The following NOS1AP variants were observed in gnomAD, a reference collection of about 807,000 sequenced individuals.
NOS1AP encodes the protein nitric oxide synthase 1 adaptor protein.
In NOS1AP, 21 loss-of-function variants were observed where a neutral mutation model predicts 56.2. The observed-to-expected ratio is 0.37, with a 90% CI of 0.26 to 0.54. NOS1AP has a LOEUF of 0.54. NOS1AP is among the 20% of genes least tolerant of loss of function. The probability of loss-of-function intolerance (pLI) is 0.84; values close to 1 mark genes in which losing one functional copy is unlikely to be tolerated. For missense variants in NOS1AP, 522 were observed against 657.8 expected (o/e 0.79, Z 2.26); for synonymous variants, 270 against 274.6 (o/e 0.98, Z 0.17).
intron 2 of NOS1AP, among the ~76,000 whole-genome samples, chr1:162,233,990 G>T (rs1412633242): frequency 1.3e-5 from 2 of 152,192 alleles, no homozygotes; most frequent in African/African-American, 4.8e-5. Flanking sequence ...AACACATCTT[G>T]TCTGCTATTG....
rs1411461054 is a variant in NOS1AP at position 162,251,881 on chromosome 1, T to TG, written c.178-35463_178-35462insG. ...TGTTTTTTTTTTTGTTTTTTTTTTT[T>TG]TTTTTTTTGTGGAGACAAGGTCCCA... On this transcript the variant is annotated intron_variant, in intron 2 of 9. Transcript: ENST00000361897. Among the ~76,000 whole-genome samples the TG allele has an allele frequency of 1.9e-4, 27 of 141,904 alleles. No homozygotes were observed. The East Asian group carries it at 2.6e-3, about 14-fold the overall frequency. 93.1% of individuals were successfully genotyped at this position (141,904 alleles called of 152,430 possible). A position where few individuals can be genotyped will look rare whatever the true frequency, so the allele number is the denominator to read the frequency against.
intron 6 of NOS1AP, among the ~76,000 whole-genome samples, chr1:162,350,640 T>C (rs1214954950): frequency 1.3e-5 from 2 of 152,264 alleles, no homozygotes; most frequent in Non-Finnish European, 2.9e-5. Context: ...TAGACCTTTT[T>C]TGAAAATAAA....
intron 2 of NOS1AP, among the ~76,000 whole-genome samples, chr1:162,239,712 A>G (rs1653421576): frequency 6.6e-6 from 1 of 152,172 alleles, no homozygotes; most frequent in Non-Finnish European, 1.5e-5. Flanking sequence ...GCTAAGACAG[A>G]TGGGCTAACA....
chr1:162,193,234 G>A (rs553401083), intron 2 of NOS1AP, among the ~76,000 whole-genome samples: 2 of 152,278 alleles, frequency 1.3e-5, no homozygotes, highest in South Asian at 4.1e-4. Flanking sequence ...AATAATAGGA[G>A]CTCTAGATCC....
At chr1:162,166,430 C>T (rs1347928666) in intron 2 of NOS1AP, among the ~76,000 whole-genome samples, 1 of 152,220 alleles carries the variant, frequency 6.6e-6, no homozygotes, top group African/African-American at 2.4e-5. Flanking sequence ...TATTCCTCCT[C>T]TTCCTTCTAC....
At chr1:162,321,753 A>G (rs928108822) in intron 4 of NOS1AP, among the ~76,000 whole-genome samples, 1 of 143,858 alleles carries the variant, frequency 7.0e-6, no homozygotes, top group Non-Finnish European at 1.5e-5. Context: ...TATATATATA[A>G]AAGCAACATG....
At chr1:162,159,677 C>T (rs1269808415) in intron 2 of NOS1AP, among the ~76,000 whole-genome samples, 2 of 152,116 alleles carry the variant, frequency 1.3e-5, no homozygotes, top group Non-Finnish European at 2.9e-5. Context: ...ACTGTATTCC[C>T]AACATTTGGC....
intron 2 of NOS1AP, among the ~76,000 whole-genome samples, chr1:162,215,671 A>T (rs538680521): frequency 2.6e-5 from 4 of 152,174 alleles, no homozygotes; most frequent in Non-Finnish European, 4.4e-5. Flanking sequence ...TTAGTGTGTC[A>T]TCCAGATGGT....
chr1:162,367,725 C>T lies in NOS1AP; in HGVS notation c.*258C>T, dbSNP rs1658147107. ...GGTGGAGGTAAGGCCTTCCAGAGCC[C>T]ATGGCTTCAGGAGAGGGTCTCTCTC... is the stretch of plus-strand genomic sequence containing the variant. On this transcript the variant is annotated 3_prime_UTR_variant, in exon 10 of 10. Coordinates refer to ENST00000361897, the MANE Select transcript of NOS1AP (RefSeq NM_014697.3). This position sits in a 1 kb window ranked among gnomAD's most constrained non-coding sequence, Gnocchi z 6.5. 1 of 506,626 alleles carries T rather than the reference C, an allele frequency of 2.0e-6. No individual in the cohort carries two copies. Among genetic ancestry groups the T allele is most frequent in the Non-Finnish European group, 3.5e-6 (1 of 281,828 alleles). 31.4% of individuals were successfully genotyped at this position (506,626 alleles called of 1,614,324 possible).
rs140808243 is a variant in NOS1AP at position 162,207,553 on chromosome 1, G to T, written c.177+53077G>T. Reference sequence around the variant, plus strand: ...AATACCAGGTACTTTACAGGGTTGTGGTCAAGGATTGAATGAGATAATGCA... The same window carrying T: ...AATACCAGGTACTTTACAGGGTTGTTGTCAAGGATTGAATGAGATAATGCA... On this transcript the variant is annotated intron_variant, in intron 2 of 9. Coordinates refer to ENST00000361897, the MANE Select transcript of NOS1AP (RefSeq NM_014697.3). 3.9e-5 allele frequency among the ~76,000 whole-genome samples: 6 copies of T among 152,346 alleles called. 1 individual carries two copies. In the East Asian group the frequency reaches 1.2e-3, roughly 29 times the overall value.
intron 2 of NOS1AP, among the ~76,000 whole-genome samples, chr1:162,164,053 A>C (rs575652023): frequency 3.5e-4 from 54 of 152,332 alleles, no homozygotes; most frequent in Non-Finnish European, 7.5e-4. Context: ...CTTTTAAATA[A>C]GGTGCTTTGC....
chr1:162,282,491 A>C (rs1206337470), intron 2 of NOS1AP, among the ~76,000 whole-genome samples: 3 of 137,744 alleles, frequency 2.2e-5, no homozygotes, highest in Non-Finnish European at 4.7e-5. Flanking sequence ...CCTTTTGGTT[A>C]TTGTAAATAC....
chr1:162,338,930 C>G (rs950353453), intron 5 of NOS1AP, among the ~76,000 whole-genome samples: 1 of 152,136 alleles, frequency 6.6e-6, no homozygotes, highest in Non-Finnish European at 1.5e-5. Flanking sequence ...GAAGTTGATA[C>G]CCACATTAGG....
At chr1:162,347,265 G>A (rs1032376264) in intron 6 of NOS1AP, among the ~76,000 whole-genome samples, 1 of 152,188 alleles carries the variant, frequency 6.6e-6, no homozygotes, top group African/African-American at 2.4e-5. Flanking sequence ...TTGGCAGAGA[G>A]CCACATCCTA....
chr1:162,216,200 C>T (rs781342596), intron 2 of NOS1AP, among the ~76,000 whole-genome samples: 1 of 152,226 alleles, frequency 6.6e-6, no homozygotes, highest in Admixed American at 6.5e-5. Context: ...CTACTCTGAG[C>T]CACCTGTGTC....
rs1189328918 is a variant in NOS1AP at position 162,264,465 on chromosome 1, C to CTTCTCTTCTCTTCTCTTCTCTTCTCTT, written c.178-22879_178-22878insTTCTCTTCTCTTCTCTTCTCTTCTCTT. Among the ~76,000 whole-genome samples the CTTCTCTTCTCTTCTCTTCTCTTCTCTT allele has an allele frequency of 2.0e-4, 6 of 29,614 alleles. 1 individual carries two copies. The highest frequency in any genetic ancestry group is 7.6e-4 in the African/African-American group (6 of 7,914). The allele number at this position is 29,614 out of a possible 152,430, so 19.4% of individuals were successfully genotyped here. A position where few individuals can be genotyped will look rare whatever the true frequency, so the allele number is the denominator to read the frequency against. ...CTTCTCTTCTCTTCTCTTCTCTTCTCCTCCCCTCCCCTCCCCTCCCCTCTC... is the reference window on the plus strand; with the variant it reads ...CTTCTCTTCTCTTCTCTTCTCTTCTCTTCTCTTCTCTTCTCTTCTCTTCTCTTCTCCCCTCCCCTCCCCTCCCCTCTC... On this transcript the variant is annotated intron_variant, in intron 2 of 9. Transcript: ENST00000361897.
intron 4 of NOS1AP, among the ~76,000 whole-genome samples, chr1:162,305,441 G>A (rs1655794848): frequency 6.6e-6 from 1 of 151,404 alleles, no homozygotes; most frequent in African/African-American, 2.4e-5. Flanking sequence ...ATCACAGGAA[G>A]TGATTCGCTA....
chr1:162,227,280 T>C (rs1235699340), intron 2 of NOS1AP, among the ~76,000 whole-genome samples: 2 of 152,228 alleles, frequency 1.3e-5, no homozygotes, highest in East Asian at 3.8e-4. Flanking sequence ...AAGAGGGCCA[T>C]ATTAACATTT....
chr1:162,167,166 T>C (rs1442636988), intron 2 of NOS1AP, among the ~76,000 whole-genome samples: 2 of 152,176 alleles, frequency 1.3e-5, no homozygotes, highest in African/African-American at 4.8e-5. Flanking sequence ...AAATGACAAA[T>C]TGCTTCTTCA....
Sources: allele counts gnomAD v4.1 joint callset (sites outside exome capture counted in the v4.1 genomes callset), GRCh38; gene constraint gnomAD v4.1.1; non-coding constraint Gnocchi (gnomAD v3.1); transcripts MANE v1.5; gene names NCBI Gene and HGNC (gene_info 2026-07-23, HGNC 2026-07-21).